Variants in MAZ observed in about 807,000 individuals in gnomAD.
MAZ encodes myc-associated zinc finger protein.
MAZ carries 4 observed loss-of-function variants against 32.7 expected under a neutral mutation model. The observed-to-expected ratio is 0.12, with a 90% CI of 0.06 to 0.28. The LOEUF (loss-of-function observed/expected upper bound fraction) is 0.28, where lower values mean the gene tolerates loss of function less well. Among genes scored for constraint, MAZ ranks in the 10% least tolerant of loss-of-function variants. The pLI is 1.00. For synonymous variants in MAZ, 510 were observed against 297.6 expected, an observed-to-expected ratio of 1.71 and a Z score of -7.35; for missense variants, 763 against 667.2, an observed-to-expected ratio of 1.14 and a Z score of -1.58.
rs772148226 is a variant in MAZ at position 29,807,745 on chromosome 16, C to T, written c.960C>T (p.Asp320=). ...GCCAGCAGCGCTTCAAGCGCAAGGA[C>T]CGCATGAGCTACCACGTGCGCTCAC... is the stretch of plus-strand genomic sequence containing the variant. ...PVCQQRFKRK[D]RMSYHVRSHD... is the part of the protein sequence containing the mutation. Residue 320 remains aspartate, a synonymous_variant, in exon 2 of 5, where the codon GAC becomes GAT. Coordinates refer to ENST00000322945, the MANE Select transcript of MAZ (RefSeq NM_002383.4). The T allele has an allele frequency of 4.3e-6, 7 of 1,612,812 alleles. No homozygotes were observed. The highest frequency in any genetic ancestry group is 4.5e-5 in the East Asian group (2 of 44,880).
At chr16:29,808,159 G>A (rs1899653870) in intron 2 of MAZ, 71 bp from the exon 3 acceptor site, 1 of 1,341,936 alleles carries the variant, frequency 7.5e-7, no homozygotes, top group African/African-American at 1.4e-5. Flanking sequence ...CCTCGGAAAG[G>A]CCTGTGGTGC....
chr16:29,808,343 T>C, intron 3 of MAZ, 50 bp downstream of exon 3: 3 of 1,562,010 alleles, frequency 1.9e-6, no homozygotes, highest in Non-Finnish European at 2.6e-6. Context: ...TTGATCCTCA[T>C]GGTAGCTGTC....
At position 29,806,842 on chromosome 16, in the gene MAZ, G is replaced by A; in HGVS notation, c.141G>A (p.Glu47=). Residue 47 remains glutamate (E), a synonymous_variant, in exon 1 of 5, where the codon GAG becomes GAA. Coordinates refer to ENST00000322945, the MANE Select transcript of MAZ (RefSeq NM_002383.4). The part of the protein sequence containing the change: ...HAQNPLQVGA[E]LQSRFFASQG... ...AGAACCCCCTGCAGGTCGGGGCTGAGCTCCAGTCCCGCTTCTTTGCCTCCC... is the reference window on the plus strand; with the variant it reads ...AGAACCCCCTGCAGGTCGGGGCTGAACTCCAGTCCCGCTTCTTTGCCTCCC... 1.5e-5 allele frequency: 22 copies of A among 1,454,502 alleles called. No individual in the cohort carries two copies. The highest frequency in any genetic ancestry group is 1.9e-5 in the Non-Finnish European group (21 of 1,096,624). The allele number at this position is 1,454,502 out of a possible 1,614,324, so 90.1% of individuals were successfully genotyped here. A position where few individuals can be genotyped will look rare whatever the true frequency, so the allele number is the denominator to read the frequency against.
chr16:29,809,942 C>A, intron 4 of MAZ, 135 bp from the exon 5 acceptor site: 1 of 1,414,824 alleles, frequency 7.1e-7, no homozygotes, highest in Non-Finnish European at 9.6e-7. Flanking sequence ...AGGATGCAGG[C>A]TGAGGCCTCT....
chr16:29,807,862 T>TG (rs1164211735), intron 2 of MAZ, 34 bp downstream of exon 2: 1 of 1,588,674 alleles, frequency 6.3e-7, no homozygotes, highest in Non-Finnish European at 8.5e-7. Flanking sequence ...CGCTAGGCCG[T>TG]GGGGAGGGAG....
At chr16:29,809,242 AC>A in intron 4 of MAZ, 1 of 528,576 alleles carries the variant, frequency 1.9e-6, no homozygotes, top group Non-Finnish European at 3.3e-6. Context: ...CTGAGGGTCA[AC>A]CCTGCAAGTG....
chr16:29,806,471 C>A (rs1899455652), upstream of MAZ: 1 of 202,566 alleles, frequency 4.9e-6, no homozygotes, highest in African/African-American at 2.6e-5. Context: ...CCTCCCGCCC[C>A]CACCCAGGGG....
rs772674974 is a variant in MAZ, at chr16:29,807,441, G to A, written c.656G>A (p.Arg219Gln). The change falls in exon 2 of 5, where the codon CGG (arginine) becomes CAG (glutamine). Residue 219 changes from arginine (R) to glutamine (Q), a missense_variant. Transcript: ENST00000322945. ...ATCCACACGGGAGCCAAGGCCGGCC[G>A]GGTCCCCTCGGGTGCTATGAAGATG... Reference protein sequence around the residue: ...EAIHTGAKAGRVPSGAMKMPT... With the variant: ...EAIHTGAKAGQVPSGAMKMPT... The A allele has an allele frequency of 1.2e-6, 2 of 1,612,410 alleles. No homozygotes were observed. The highest frequency in any genetic ancestry group is 1.7e-6 in the Non-Finnish European group (2 of 1,179,724).
At position 29,807,283 on chromosome 16, in the gene MAZ, C is replaced by G. The variant is rs773515431; in HGVS notation, c.498C>G (p.Ala166=). 4 of 1,543,050 alleles carry G rather than the reference C, an allele frequency of 2.6e-6. No individual in the cohort carries two copies. The highest frequency in any genetic ancestry group is 2.4e-5 in the South Asian group (2 of 83,084). The change falls in exon 2 of 5, where the codon GCC becomes GCG. Residue 166 remains alanine, a synonymous_variant. Coordinates refer to ENST00000322945, the MANE Select transcript of MAZ (RefSeq NM_002383.4). The part of the protein sequence containing the change: ...IAAAAATAVV[A]PTSTVAVAPV... ...CGGCGGCGGCCACCGCCGTCGTAGC[C>G]CCAACCTCGACGGTCGCCGTGGCCC...
chr16:29,806,764 C>T lies in MAZ; in HGVS notation c.63C>T (p.Ser21=), dbSNP rs905972182. The part of the protein sequence containing the change: ...APPFPVLGLD[S]RGVGGLMNSF... ...CCTTCCCCGTGCTGGGCCTGGACTC[C>T]CGGGGGGTGGGCGGCCTCATGAACT... The change falls in exon 1 of 5, where the codon TCC becomes TCT. Residue 21 remains serine, a synonymous_variant. Transcript: ENST00000322945. 3 of 1,436,492 alleles carry T rather than the reference C, an allele frequency of 2.1e-6. No individual in the cohort carries two copies. Among genetic ancestry groups the T allele is most frequent in the Middle Eastern group, 1.9e-4 (1 of 5,376 alleles). 89.0% of individuals were successfully genotyped at this position (1,436,492 alleles called of 1,614,324 possible).
chr16:29,806,838 C>G lies in MAZ; in HGVS notation c.137C>G (p.Ala46Gly). 6.9e-7 allele frequency: 1 copy of G among 1,452,588 alleles called. No homozygotes were observed. The highest frequency in any genetic ancestry group is 9.1e-7 in the Non-Finnish European group (1 of 1,095,086). The allele number at this position is 1,452,588 out of a possible 1,614,324, so 90.0% of individuals were successfully genotyped here. ...GHAQNPLQVGAELQSRFFASQ... is the reference protein window; with the variant it reads ...GHAQNPLQVGGELQSRFFASQ... ...GCCCAGAACCCCCTGCAGGTCGGGG[C>G]TGAGCTCCAGTCCCGCTTCTTTGCC... The change falls in exon 1 of 5, where the codon GCT (alanine) becomes GGT (glycine). Residue 46 changes from alanine (A) to glycine (G), a missense_variant. Coordinates refer to ENST00000322945, the MANE Select transcript of MAZ (RefSeq NM_002383.4).
chr16:29,810,720 C>T lies in MAZ; in HGVS notation c.*489C>T. On this transcript the variant is annotated 3_prime_UTR_variant, in exon 5 of 5. Coordinates refer to ENST00000322945, the MANE Select transcript of MAZ (RefSeq NM_002383.4). ...GGAAGGAGGGGGATCAGAGCTGTCC[C>T]AAAGAGGGAAAGCGGTGAGGTTTGA... The T allele has an allele frequency of 2.3e-6, 1 of 426,896 alleles. No homozygotes were observed. The highest frequency in any genetic ancestry group is 4.4e-6 in the Non-Finnish European group (1 of 229,812). The allele number at this position is 426,896 out of a possible 1,614,324, so 26.4% of individuals were successfully genotyped here. A position where few individuals can be genotyped will look rare whatever the true frequency, so the allele number is the denominator to read the frequency against.
chr16:29,808,051 A>AGGCGGC (rs761537307), intron 2 of MAZ, 179 bp from the exon 3 acceptor site: 45 of 1,014,374 alleles, frequency 4.4e-5, no homozygotes, highest in East Asian at 7.9e-5. Flanking sequence ...GCGTGGGAGG[A>AGGCGGC]GGCGGCGGCG....
At chr16:29,809,108 C>T (rs559788218) in intron 4 of MAZ, 16 of 512,088 alleles carry the variant, frequency 3.1e-5, no homozygotes, top group East Asian at 6.6e-5. Flanking sequence ...GTGGAGTACA[C>T]GGGCCGGGCT....
rs780618980 is a variant in MAZ, at chr16:29,810,143, T to G, written c.1346T>G (p.Val449Gly). Residue 449 changes from valine to glycine, a missense_variant, in exon 5 of 5, where the codon GTA (valine) becomes GGA (glycine). Val to Gly is a moderately radical substitution (Grantham distance 109). Coordinates refer to ENST00000322945, the MANE Select transcript of MAZ (RefSeq NM_002383.4). ...AAAAAAAAAA[V>G]AAPPTAVGSL... ...GCGGCAGCGGCAGCAGCGGCAGCAG[T>G]AGCAGCCCCTCCCACAGCTGTGGGC... is the stretch of plus-strand genomic sequence containing the variant. The G allele has an allele frequency of 6.2e-7, 1 of 1,603,726 alleles. No homozygotes were observed. Among genetic ancestry groups the G allele is most frequent in the African/African-American group, 1.4e-5 (1 of 73,798 alleles).
At position 29,810,597 on chromosome 16, in the gene MAZ, TCTC is replaced by T. The variant is rs1345876015; in HGVS notation, c.*369_*371del. 3 of 677,274 alleles carry T rather than the reference TCTC, an allele frequency of 4.4e-6. No homozygotes were observed. The highest frequency in any genetic ancestry group is 2.8e-5 in the East Asian group (1 of 35,882). The allele number at this position is 677,274 out of a possible 1,614,324, so 42.0% of individuals were successfully genotyped here. On this transcript the variant is annotated 3_prime_UTR_variant, in exon 5 of 5. Transcript: ENST00000322945. ...GCCTCTTCCCTCGACGGTCCTCTTC[TCTC>T]CTTCCAGTCCTCTCCCCCTGCTGTC...
rs1162725181 is a variant in MAZ, at chr16:29,806,595, G to A, written c.-107G>A. 78 of 965,912 alleles carry A rather than the reference G, an allele frequency of 8.1e-5. No homozygotes were observed. The highest frequency in any genetic ancestry group is 9.3e-5 in the Non-Finnish European group (76 of 818,796). The allele number at this position is 965,912 out of a possible 1,614,324, so 59.8% of individuals were successfully genotyped here. A position where few individuals can be genotyped will look rare whatever the true frequency, so the allele number is the denominator to read the frequency against. ...GGGCGGCCCGCGGGCCATGCGTTCG[G>A]CGCGGCCCAGCCCGGCCGGCCGGGG... On this transcript the variant is annotated 5_prime_UTR_variant, in exon 1 of 5. Coordinates refer to ENST00000322945, the MANE Select transcript of MAZ (RefSeq NM_002383.4).
At chr16:29,809,508 C>G in intron 4 of MAZ, 1 of 1,377,160 alleles carries the variant, frequency 7.3e-7, no homozygotes, top group Non-Finnish European at 1.0e-6. Flanking sequence ...GCCTGGCTGA[C>G]CCCCGCCCCA....
At chr16:29,807,977 G>C (rs1285950462) in intron 2 of MAZ, 149 bp downstream of exon 2, 4 of 1,399,918 alleles carry the variant, frequency 2.9e-6, no homozygotes, top group Admixed American at 2.4e-5. Context: ...GCCTCTCCCG[G>C]TTACCAGGGA....
Sources: allele counts gnomAD v4.1 joint callset, GRCh38; gene constraint gnomAD v4.1.1; transcripts MANE v1.5; gene names NCBI Gene and HGNC (gene_info 2026-07-23, HGNC 2026-07-21).